Variants in CDYL2 observed in about 807,000 individuals in gnomAD.
The protein encoded by CDYL2 is chromodomain Y-like protein 2.
Under a neutral mutation model 49.4 loss-of-function variants are expected in CDYL2, and 23 were observed. The observed-to-expected ratio is 0.47, with a 90% CI of 0.34 to 0.66. The LOEUF (loss-of-function observed/expected upper bound fraction) is 0.66, where lower values mean the gene tolerates loss of function less well. Ranked by LOEUF, CDYL2 falls within the 30% of genes least tolerant of loss-of-function variation. The pLI is 0.01. For missense variants in CDYL2, 678 were observed against 656.4 expected (o/e 1.03, Z -0.36); for synonymous variants, 360 against 268.8 (o/e 1.34, Z -3.32).
At chr16:80,671,559 C>T (rs889685804) in intron 2 of CDYL2, among the ~76,000 whole-genome samples, 1 of 152,206 alleles carries the variant, frequency 6.6e-6, no homozygotes, top group Non-Finnish European at 1.5e-5. Context: ...CTTTGCCATA[C>T]CATACCTCTT....
chr16:80,642,586 G>C (rs182476922), intron 2 of CDYL2, among the ~76,000 whole-genome samples: 7 of 152,116 alleles, frequency 4.6e-5, no homozygotes, highest in African/African-American at 1.2e-4. Flanking sequence ...CAAAGACATC[G>C]GGTAGACTGG....
chr16:80,683,447 C>T (rs1424686578), intron 2 of CDYL2, among the ~76,000 whole-genome samples: 1 of 152,252 alleles, frequency 6.6e-6, no homozygotes, highest in Non-Finnish European at 1.5e-5. Flanking sequence ...GTATGAACTA[C>T]ATGGGTCATC....
chr16:80,643,643 C>A (rs988219123), intron 2 of CDYL2, among the ~76,000 whole-genome samples: 3 of 152,256 alleles, frequency 2.0e-5, no homozygotes, highest in African/African-American at 7.2e-5. Flanking sequence ...GACTTCTGGG[C>A]ACTCATAGGC....
At position 80,608,172 on chromosome 16, in the gene CDYL2, C is replaced by T; in HGVS notation, c.1282G>A (p.Val428Met). Reference sequence around the variant, plus strand: ...GTGGTGGGCCAGAAGACCTGCGACACCAGCCCCCTGCTGCAGGCCTCCTGG... The same window carrying T: ...GTGGTGGGCCAGAAGACCTGCGACATCAGCCCCCTGCTGCAGGCCTCCTGG... ...TAQEACSRGLVSQVFWPTTFS... is the reference protein window; with the variant it reads ...TAQEACSRGLMSQVFWPTTFS... Residue 428 changes from valine to methionine, a missense_variant, in exon 6 of 7, where the codon GTG becomes ATG. Physicochemically the swap from Val to Met is conservative, Grantham distance 21. This residue lies in a region of CDYL2 where 153 missense variants were observed against 150.6 expected (regional missense o/e 1.02). Transcript: ENST00000570137. 6.2e-7 allele frequency: 1 copy of T among 1,604,062 alleles called. No homozygotes were observed. The highest frequency in any genetic ancestry group is 8.5e-7 in the Non-Finnish European group (1 of 1,175,486).
At chr16:80,615,043 T>C (rs775745363) in intron 4 of CDYL2, among the ~76,000 whole-genome samples, 8 of 152,070 alleles carry the variant, frequency 5.3e-5, no homozygotes, top group Non-Finnish European at 1.0e-4. Context: ...TTACGATCTA[T>C]GTAAGTCATC....
intron 2 of CDYL2, among the ~76,000 whole-genome samples, chr16:80,650,611 C>G (rs2142418755): frequency 6.6e-6 from 1 of 152,300 alleles, no homozygotes; most frequent in South Asian, 2.1e-4. Context: ...AGCAATCCCA[C>G]TGCTGGGTAT....
At chr16:80,615,944 A>T (rs1033625253) in intron 4 of CDYL2, among the ~76,000 whole-genome samples, 1 of 152,190 alleles carries the variant, frequency 6.6e-6, no homozygotes, top group African/African-American at 2.4e-5. Context: ...CGGGCCCTGC[A>T]GCTCCGATAT....
rs918652094 is a variant in CDYL2 at position 80,604,128 on chromosome 16, C to T, written c.*260G>A. 5.9e-6 allele frequency: 3 copies of T among 504,434 alleles called. No individual in the cohort carries two copies. The highest frequency in any genetic ancestry group is 7.2e-6 in the Non-Finnish European group (2 of 279,618). 31.2% of individuals were successfully genotyped at this position (504,434 alleles called of 1,614,324 possible). A position where few individuals can be genotyped will look rare whatever the true frequency, so the allele number is the denominator to read the frequency against. On this transcript the variant is annotated 3_prime_UTR_variant, in exon 7 of 7. Transcript: ENST00000570137. ...GTGGGGAAAGGACAGCGGTGCTTGG[C>T]GGAGCCCTGGGAAGATACAGCCTTG...
intron 1 of CDYL2, among the ~76,000 whole-genome samples, chr16:80,800,816 G>C (rs961908144): frequency 8.5e-5 from 13 of 152,160 alleles, no homozygotes; most frequent in African/African-American, 3.1e-4. Context: ...CCCAGAGAGA[G>C]ACAAGAAAAC....
intron 4 of CDYL2, among the ~76,000 whole-genome samples, chr16:80,618,020 G>A (rs945540311): frequency 6.6e-6 from 1 of 152,144 alleles, no homozygotes; most frequent in Non-Finnish European, 1.5e-5. Flanking sequence ...GGGCCTCTCT[G>A]TGCTGTCAGG....
At chr16:80,760,319 G>C (rs1906481873) in intron 1 of CDYL2, among the ~76,000 whole-genome samples, 1 of 152,154 alleles carries the variant, frequency 6.6e-6, no homozygotes, top group African/African-American at 2.4e-5. Flanking sequence ...TAGAAGAATG[G>C]CTATCACAGA....
intron 1 of CDYL2, among the ~76,000 whole-genome samples, chr16:80,794,020 G>A (rs1425013816): frequency 6.6e-6 from 1 of 152,134 alleles, no homozygotes; most frequent in Non-Finnish European, 1.5e-5. Context: ...TCTTGTCTTG[G>A]AATCTCAGGA....
chr16:80,661,448 C>T (rs1909040999), intron 2 of CDYL2, among the ~76,000 whole-genome samples: 1 of 152,170 alleles, frequency 6.6e-6, no homozygotes, highest in African/African-American at 2.4e-5. Flanking sequence ...CTATGGGATT[C>T]ACACAGGTTG....
At chr16:80,644,557 A>G (rs1209161101) in intron 2 of CDYL2, among the ~76,000 whole-genome samples, 1 of 152,208 alleles carries the variant, frequency 6.6e-6, no homozygotes, top group Non-Finnish European at 1.5e-5. Context: ...ATAGCTGTGG[A>G]GGCCTCAGAA....
chr16:80,704,777 CAG>C (rs1377627655), intron 1 of CDYL2, among the ~76,000 whole-genome samples: 1 of 152,194 alleles, frequency 6.6e-6, no homozygotes, highest in Non-Finnish European at 1.5e-5. Context: ...GCGTGAGTAA[CAG>C]AGAAAGGCCA....
intron 2 of CDYL2, among the ~76,000 whole-genome samples, chr16:80,668,087 A>T (rs910938582): frequency 6.6e-6 from 1 of 152,250 alleles, no homozygotes; most frequent in Non-Finnish European, 1.5e-5. Flanking sequence ...CAGGTTTGGC[A>T]GGAGCAGGTC....
rs1331481128 is a variant in CDYL2 at position 80,600,904 on chromosome 16, A to G, written c.*3484T>C. 1 of 152,356 alleles carries G rather than the reference A, an allele frequency of 6.6e-6. No homozygotes were observed. The highest frequency in any genetic ancestry group is 2.1e-4 in the South Asian group (1 of 4,828). 9.4% of individuals were successfully genotyped at this position (152,356 alleles called of 1,614,324 possible). ...GATACAGTTGCATTGTTCAAAGTCT[A>G]CTGTGATTATTATTTTTCCATCCTT... On this transcript the variant is annotated 3_prime_UTR_variant, in exon 7 of 7. Coordinates refer to ENST00000570137, the MANE Select transcript of CDYL2 (RefSeq NM_152342.4).
At chr16:80,683,343 CATAA>C (rs1910044968) in intron 2 of CDYL2, among the ~76,000 whole-genome samples, 1 of 152,196 alleles carries the variant, frequency 6.6e-6, no homozygotes, top group African/African-American at 2.4e-5. Flanking sequence ...AGGGACTGCA[CATAA>C]CTGGCACAAG....
intron 1 of CDYL2, among the ~76,000 whole-genome samples, chr16:80,757,771 C>A (rs1235941269): frequency 5.3e-5 from 8 of 151,634 alleles, no homozygotes; most frequent in Admixed American, 5.3e-4. Flanking sequence ...CCACACAAAT[C>A]AAAATAACAA....
Sources: gnomAD v4.1 joint callset for allele counts (sites outside exome capture counted in the v4.1 genomes callset) on GRCh38, gnomAD v4.1.1 for gene constraint, gnomAD v4.1.1 regional missense constraint, MANE v1.5 for transcripts, NCBI Gene and HGNC (gene_info 2026-07-23, HGNC 2026-07-21) for gene names.